NAB1: variants seen among roughly 807,000 people sequenced by gnomAD.
NAB1 encodes NGFI-A binding protein 1.
A neutral mutation model predicts 49.9 loss-of-function variants in NAB1; 25 were observed. That is an observed-to-expected ratio of 0.50 (90% CI 0.37 to 0.70). The LOEUF (loss-of-function observed/expected upper bound fraction) is 0.70. NAB1 is among the 30% of genes least tolerant of loss of function. NAB1 has a pLI of 0.00. For synonymous variants in NAB1, 198 were observed against 215.6 expected (o/e 0.92, Z 0.71); for missense variants, 489 against 575.9 (o/e 0.85, Z 1.54).
In NAB1 at chr2:190,666,923, G is replaced by A. The variant is rs1694550589; in HGVS notation, c.820-3403G>A. On this transcript the variant is annotated intron_variant, in intron 4 of 9. Transcript: ENST00000337386. The surrounding 1 kb of genome is among the most constrained non-coding windows in gnomAD (Gnocchi z 5.6). ...ATTTTCATATTTTCCCAACTGCTTG[G>A]GAATATTTTCATTTTTCTTTTGTAA... 1.3e-5 allele frequency among the ~76,000 whole-genome samples: 2 copies of A among 152,080 alleles called. No homozygotes were observed. The highest frequency in any genetic ancestry group is 4.8e-5 in the African/African-American group (2 of 41,376).
rs916489759 is a variant in NAB1, at chr2:190,666,656, G to A, written c.820-3670G>A. On this transcript the variant is annotated intron_variant, in intron 4 of 9. Coordinates refer to ENST00000337386, the MANE Select transcript of NAB1 (RefSeq NM_005966.4). The surrounding 1 kb of genome is among the most constrained non-coding windows in gnomAD (Gnocchi z 5.6). ...CCCGGGGCGCTGAGGTTGCGCCACT[G>A]CATTCCAGCCTGGGAGACAGAGTGA... 2.0e-5 allele frequency among the ~76,000 whole-genome samples: 3 copies of A among 152,004 alleles called. No individual in the cohort carries two copies. The highest frequency in any genetic ancestry group is 7.3e-5 in the African/African-American group (3 of 41,360).
At position 190,678,919 on chromosome 2, in the gene NAB1, T is replaced by C. The variant is rs1695200134; in HGVS notation, c.1006-4819T>C. On this transcript the variant is annotated intron_variant, in intron 6 of 9. Transcript: ENST00000337386. This position sits in a 1 kb window ranked among gnomAD's most constrained non-coding sequence, Gnocchi z 4.9. ...AAGTCATCTAGAGACAGCTAAGCAGTGGCTTTAAAGCAGCTTGCTAGTGTT... is the reference window on the plus strand; with the variant it reads ...AAGTCATCTAGAGACAGCTAAGCAGCGGCTTTAAAGCAGCTTGCTAGTGTT... Among the ~76,000 whole-genome samples the C allele has an allele frequency of 6.6e-6, 1 of 152,198 alleles. No individual in the cohort carries two copies. The highest frequency in any genetic ancestry group is 1.5e-5 in the Non-Finnish European group (1 of 68,024).
intron 2 of NAB1, among the ~76,000 whole-genome samples, chr2:190,653,191 A>G (rs547373955): frequency 8.3e-4 from 126 of 152,236 alleles, no homozygotes; most frequent in Admixed American, 2.0e-3. Context: ...CCTTCAAGCT[A>G]TACTCTCCTG....
Position 190,690,496 on chromosome 2 carries a change from A to T in NAB1, c.*163A>T. 1 of 547,320 alleles carries T rather than the reference A, an allele frequency of 1.8e-6. No homozygotes were observed. Among genetic ancestry groups the T allele is most frequent in the South Asian group, 2.8e-5 (1 of 36,154 alleles). The allele number at this position is 547,320 out of a possible 1,614,324, so 33.9% of individuals were successfully genotyped here. ...GGTAGTCTGTGGAAACCAGGAAGAT[A>T]AAACAACAGCCACAAAAGAGAAAAT... is the stretch of plus-strand genomic sequence containing the variant. On this transcript the variant is annotated 3_prime_UTR_variant, in exon 10 of 10. Transcript: ENST00000337386.
At chr2:190,649,076 T>C (rs867421521), upstream of NAB1, 1,455 of 131,628 alleles carry the variant, frequency 0.011, 14 homozygotes, top group Non-Finnish European at 0.016. This position sits in a 1 kb window ranked among gnomAD's most constrained non-coding sequence, Gnocchi z 6.1. Flanking sequence ...GGGGAGGCGC[T>C]GCCGCCGCCG....
chr2:190,661,068 C>T lies in NAB1; in HGVS notation c.819+1073C>T, dbSNP rs377264917. On this transcript the variant is annotated intron_variant, in intron 4 of 9. Transcript: ENST00000337386. ...TCAGCCTCTTGAGTAGCTTGGACAA[C>T]AGGTGTGTGCCACCACACCAAGTTA... Among the ~76,000 whole-genome samples, 4 of 151,824 alleles carry T rather than the reference C, an allele frequency of 2.6e-5. No individual in the cohort carries two copies. The East Asian group carries it at 7.7e-4, about 29-fold the overall frequency.
rs140982982 is a variant in NAB1, at chr2:190,687,379, C to G, written c.1375+62C>G. ...AATAAAAGCATCTTTAAATTCTGTT[C>G]TATTTCCTCCCCCATCAAAAAAAAA... On this transcript the variant is annotated intron_variant, in intron 9 of 9. Coordinates refer to ENST00000337386, the MANE Select transcript of NAB1 (RefSeq NM_005966.4). 2,292 of 498,798 alleles carry G rather than the reference C, an allele frequency of 4.6e-3. 6 individuals carry two copies. The highest frequency in any genetic ancestry group is 6.5e-3 in the Non-Finnish European group (1,947 of 298,054). The allele number at this position is 498,798 out of a possible 1,614,324, so 30.9% of individuals were successfully genotyped here. A position where few individuals can be genotyped will look rare whatever the true frequency, so the allele number is the denominator to read the frequency against.
In NAB1 at chr2:190,652,558, AT is replaced by A. The variant is rs1693723251; in HGVS notation, c.-197+2583del. ...ATTAAAATTTTAAGGTGTCTCTAAA[AT>A]TTTTTTCCAGCTTCATTCATTCCAT... On this transcript the variant is annotated intron_variant, in intron 2 of 9. Coordinates refer to ENST00000337386, the MANE Select transcript of NAB1 (RefSeq NM_005966.4). The surrounding 1 kb of genome is among the most constrained non-coding windows in gnomAD (Gnocchi z 4.2). Among the ~76,000 whole-genome samples, 1 of 152,154 alleles carries A rather than the reference AT, an allele frequency of 6.6e-6. No individual in the cohort carries two copies. Among genetic ancestry groups the A allele is most frequent in the Non-Finnish European group, 1.5e-5 (1 of 68,022 alleles).
rs956943312 is a variant in NAB1 at position 190,684,955 on chromosome 2, C to G, written c.1096-521C>G. ...GATGCTTATTGGCACTGATGTTTTT[C>G]TGCATAATTTACATTGTTTAATTTT... On this transcript the variant is annotated intron_variant, in intron 7 of 9. Coordinates refer to ENST00000337386, the MANE Select transcript of NAB1 (RefSeq NM_005966.4). The surrounding 1 kb of genome is among the most constrained non-coding windows in gnomAD (Gnocchi z 4.6). Among the ~76,000 whole-genome samples, 1 of 152,114 alleles carries G rather than the reference C, an allele frequency of 6.6e-6. No homozygotes were observed. The highest frequency in any genetic ancestry group is 1.9e-4 in the East Asian group (1 of 5,198).
chr2:190,673,070 T>G (rs945228316), intron 5 of NAB1, 31 bp from the exon 6 acceptor site: 27 of 1,542,782 alleles, frequency 1.8e-5, no homozygotes, highest in East Asian at 2.3e-5. Context: ...TTCTCAAGTT[T>G]TTTTTTTTTT....
intron 6 of NAB1, among the ~76,000 whole-genome samples, chr2:190,681,219 C>A (rs771455823): frequency 1.3e-5 from 2 of 152,172 alleles, no homozygotes; most frequent in Non-Finnish European, 2.9e-5. Flanking sequence ...GAAACCCAGT[C>A]TTGTCTGTGA....
intron 4 of NAB1, among the ~76,000 whole-genome samples, chr2:190,660,807 T>C (rs1694185071): frequency 6.6e-6 from 1 of 152,242 alleles, no homozygotes; most frequent in Non-Finnish European, 1.5e-5. Flanking sequence ...TGGTCTGTGC[T>C]TCACAGTATA....
intron 6 of NAB1, 38 bp from the exon 7 acceptor site, chr2:190,683,700 A>C (rs1695467534): frequency 3.5e-6 from 5 of 1,435,838 alleles, no homozygotes; most frequent in Non-Finnish European, 4.8e-6. Flanking sequence ...TATTATTTAC[A>C]AACTCTAAAT....
rs1695012922 is a variant in NAB1 at position 190,675,208 on chromosome 2, A to G, written c.1005+2056A>G. 6.6e-6 allele frequency among the ~76,000 whole-genome samples: 1 copy of G among 152,262 alleles called. No homozygotes were observed. The highest frequency in any genetic ancestry group is 1.9e-4 in the East Asian group (1 of 5,204). Reference sequence around the variant, plus strand: ...GGGCCAAAAAATTAGTTGCTAGGCTAGAAATATGTCTCTATCTATTTCTCA... The same window carrying G: ...GGGCCAAAAAATTAGTTGCTAGGCTGGAAATATGTCTCTATCTATTTCTCA... On this transcript the variant is annotated intron_variant, in intron 6 of 9. Transcript: ENST00000337386. This position sits in a 1 kb window ranked among gnomAD's most constrained non-coding sequence, Gnocchi z 5.2.
intron 4 of NAB1, among the ~76,000 whole-genome samples, chr2:190,662,090 A>C (rs1694255157): frequency 6.6e-6 from 1 of 152,238 alleles, no homozygotes; most frequent in Non-Finnish European, 1.5e-5. Flanking sequence ...CATAAGGAAT[A>C]CATGACTTAC....
In NAB1 at chr2:190,675,784, T is replaced by G. The variant is rs767501032; in HGVS notation, c.1005+2632T>G. Among the ~76,000 whole-genome samples the G allele has an allele frequency of 1.3e-5, 2 of 152,202 alleles. No homozygotes were observed. Among genetic ancestry groups the G allele is most frequent in the Non-Finnish European group, 2.9e-5 (2 of 68,032 alleles). ...GTGGCTCACTTTTTTGTTGTTGGTT[T>G]GTTTTTAATTTTGTTCTGTTCCTCT... On this transcript the variant is annotated intron_variant, in intron 6 of 9. Transcript: ENST00000337386. This position sits in a 1 kb window ranked among gnomAD's most constrained non-coding sequence, Gnocchi z 5.2.
At chr2:190,653,807 A>G (rs1234189145) in intron 2 of NAB1, 13 of 152,234 alleles carry the variant, frequency 8.5e-5, no homozygotes, top group Admixed American at 8.5e-4. Context: ...GACTCGTTGC[A>G]TGATGTATAA....
chr2:190,672,077 C>A (rs1261721810), intron 5 of NAB1, among the ~76,000 whole-genome samples: 1 of 151,958 alleles, frequency 6.6e-6, no homozygotes, highest in African/African-American at 2.4e-5. Flanking sequence ...CCTAGGCTCA[C>A]CTTTCCTTTA....
intron 2 of NAB1, among the ~76,000 whole-genome samples, chr2:190,655,124 T>A (rs1693852213): frequency 1.3e-5 from 2 of 152,376 alleles, no homozygotes; most frequent in Middle Eastern, 3.4e-3. Context: ...TTATGACTAC[T>A]TTTAGTATTT....
Sources: allele counts gnomAD v4.1 joint callset (sites outside exome capture counted in the v4.1 genomes callset), GRCh38; gene constraint gnomAD v4.1.1; non-coding constraint Gnocchi (gnomAD v3.1); transcripts MANE v1.5; gene names NCBI Gene and HGNC (gene_info 2026-07-23, HGNC 2026-07-21).